DGUOK: variants seen among roughly 807,000 people sequenced by gnomAD.
DGUOK encodes the protein deoxyguanosine kinase.
DGUOK carries 30 observed loss-of-function variants against 36.6 expected under a neutral mutation model. That is an observed-to-expected ratio of 0.82 (90% CI 0.61 to 1.11). DGUOK has a LOEUF of 1.11. Among genes scored for constraint, DGUOK ranks in the 50% most tolerant of loss-of-function variants. DGUOK has a pLI of 0.00. For missense variants in DGUOK, 361 were observed against 336.4 expected (o/e 1.07, Z -0.57); for synonymous variants, 145 against 126.3 (o/e 1.15, Z -0.99).
chr2:73,932,990 A>AAAT (rs1360829335), intron 1 of DGUOK, among the ~76,000 whole-genome samples: 9 of 152,182 alleles, frequency 5.9e-5, no homozygotes, highest in African/African-American at 2.2e-4. Flanking sequence ...AGATTGCTGT[A>AAAT]TGAAATCTCA....
At chr2:73,933,931 T>C (rs1035261005) in intron 1 of DGUOK, among the ~76,000 whole-genome samples, 5 of 152,218 alleles carry the variant, frequency 3.3e-5, no homozygotes, top group Non-Finnish European at 7.3e-5. Flanking sequence ...GGAAGGACTT[T>C]TTAAAAAAGA....
chr2:73,939,704 GA>G (rs955123542), intron 2 of DGUOK, among the ~76,000 whole-genome samples: 25 of 152,178 alleles, frequency 1.6e-4, no homozygotes, highest in Admixed American at 1.6e-3. Flanking sequence ...CGCCACCTGG[GA>G]TATTCACTGA....
intron 2 of DGUOK, among the ~76,000 whole-genome samples, chr2:73,945,119 T>TG (rs1682200185): frequency 6.6e-6 from 1 of 152,230 alleles, no homozygotes; most frequent in Non-Finnish European, 1.5e-5. Context: ...CTTCTTACTG[T>TG]TGTTGAATCT....
At chr2:73,937,110 A>G (rs1681526507) in intron 1 of DGUOK, among the ~76,000 whole-genome samples, 1 of 152,238 alleles carries the variant, frequency 6.6e-6, no homozygotes, top group Admixed American at 6.5e-5. Context: ...AGGCATACAC[A>G]GGGATCAGAT....
chr2:73,939,036 TGTG>T lies in DGUOK; in HGVS notation c.255+19_255+21del, dbSNP rs1157483531. On this transcript the variant is annotated intron_variant, in intron 2 of 6. Coordinates refer to ENST00000264093, the MANE Select transcript of DGUOK (RefSeq NM_080916.3). Reference sequence around the variant, plus strand: ...GGCACCCAAAAAGTAAGTTTTTAGTTGTGGTGGGTAGTTGGCAGGCATGGGTGA... The same window carrying T: ...GGCACCCAAAAAGTAAGTTTTTAGTTGTGGGTAGTTGGCAGGCATGGGTGA... The T allele has an allele frequency of 4.5e-6, 7 of 1,563,690 alleles. No individual in the cohort carries two copies. The Admixed American group carries it at 5.0e-5, about 11-fold the overall frequency.
chr2:73,950,824 T>C, intron 4 of DGUOK, 92 bp downstream of exon 4: 1 of 1,537,720 alleles, frequency 6.5e-7, no homozygotes, highest in Non-Finnish European at 9.0e-7. Context: ...TTGGAGAGAT[T>C]AGAGCGTAGA....
chr2:73,956,696 G>A (rs192883435), intron 4 of DGUOK, among the ~76,000 whole-genome samples: 167 of 152,334 alleles, frequency 1.1e-3, no homozygotes, highest in Non-Finnish European at 1.4e-3. Flanking sequence ...CTGCCTCCAG[G>A]AGGCAGAACC....
At chr2:73,936,973 G>A (rs2104897518) in intron 1 of DGUOK, among the ~76,000 whole-genome samples, 1 of 152,342 alleles carries the variant, frequency 6.6e-6, no homozygotes, top group Non-Finnish European at 1.5e-5. Flanking sequence ...AGTTGGTCAG[G>A]TGAGGAGAGG....
intron 3 of DGUOK, among the ~76,000 whole-genome samples, chr2:73,949,895 TG>T (rs1682588240): frequency 6.6e-6 from 1 of 152,218 alleles, no homozygotes; most frequent in Non-Finnish European, 1.5e-5. Context: ...GGGGCAAAGC[TG>T]GTTTGATTTT....
At chr2:73,930,777 ATTTTCTTTTTTT>A (rs1274000724) in intron 1 of DGUOK, among the ~76,000 whole-genome samples, 1,320 of 127,460 alleles carry the variant, frequency 0.01, 7 homozygotes, top group Non-Finnish European at 0.017. Context: ...ATTCGACATA[ATTTTCTTTTTTT>A]TTTTCTTTTT....
chr2:73,957,271 C>CA (rs1162075931), intron 5 of DGUOK, 31 bp downstream of exon 5: 3 of 1,555,894 alleles, frequency 1.9e-6, no homozygotes, highest in South Asian at 2.2e-5. Flanking sequence ...GTATCAGAGA[C>CA]AGAGACCTGG....
chr2:73,932,206 TGGAATGGGAGGACCTA>T (rs1397159003), intron 1 of DGUOK, among the ~76,000 whole-genome samples: 1 of 152,074 alleles, frequency 6.6e-6, no homozygotes, highest in Non-Finnish European at 1.5e-5. Context: ...TGATGCGAAG[TGGAATGGGAGGACCTA>T]ATCTGACTCT....
At chr2:73,942,311 C>A (rs994431907) in intron 2 of DGUOK, among the ~76,000 whole-genome samples, 1 of 152,234 alleles carries the variant, frequency 6.6e-6, no homozygotes. Flanking sequence ...TCATAGTTAG[C>A]ACCTTTGATG....
intron 1 of DGUOK, among the ~76,000 whole-genome samples, chr2:73,929,230 T>C (rs1218457457): frequency 6.6e-6 from 1 of 152,178 alleles, no homozygotes; most frequent in Non-Finnish European, 1.5e-5. Context: ...CACCTTAGCC[T>C]CTTGAGTAGC....
chr2:73,951,057 C>T (rs1682671056), intron 4 of DGUOK, among the ~76,000 whole-genome samples: 1 of 152,084 alleles, frequency 6.6e-6, no homozygotes, highest in Admixed American at 6.5e-5. Context: ...GCCTCAGCTC[C>T]TCCTTTACTC....
At position 73,938,894 on chromosome 2, in the gene DGUOK, G is replaced by T; in HGVS notation, c.143-16G>T. ...TGATTTGGGAAGCATCCCAATACAT[G>T]CTATTTGCATTGCAGCTGTGGGAAA... On this transcript the variant is annotated splice_polypyrimidine_tract_variant and intron_variant, in intron 1 of 6. Transcript: ENST00000264093. The T allele has an allele frequency of 6.4e-7, 1 of 1,572,220 alleles. No homozygotes were observed. Among genetic ancestry groups the T allele is most frequent in the Non-Finnish European group, 8.8e-7 (1 of 1,141,960 alleles).
At position 73,958,149 on chromosome 2, in the gene DGUOK, C is replaced by T. The variant is rs1400940907; in HGVS notation, c.711C>T (p.Leu237=). 6.2e-7 allele frequency: 1 copy of T among 1,613,336 alleles called. No individual in the cohort carries two copies. ...EAWLIHKTTK[L]HFEALMNIPV... ...CAAACGTTCACGCTTCTTATAGGCTCCACTTTGAGGCTCTGATGAACATTC... is the reference window on the plus strand; with the variant it reads ...CAAACGTTCACGCTTCTTATAGGCTTCACTTTGAGGCTCTGATGAACATTC... The change falls in exon 6 of 7, where the codon CTC becomes CTT. Residue 237 remains leucine, a synonymous_variant. Transcript: ENST00000264093.
chr2:73,947,441 C>T (rs917136992), intron 3 of DGUOK, among the ~76,000 whole-genome samples: 1 of 152,044 alleles, frequency 6.6e-6, no homozygotes, highest in Admixed American at 6.6e-5. Flanking sequence ...AGATTTAGCC[C>T]TTTTTGACCC....
intron 1 of DGUOK, among the ~76,000 whole-genome samples, chr2:73,932,988 G>A (rs1302272700): frequency 6.6e-6 from 1 of 152,058 alleles, no homozygotes; most frequent in East Asian, 1.9e-4. Flanking sequence ...AAAGATTGCT[G>A]TATGAAATCT....
Sources: gnomAD v4.1 joint callset for allele counts (sites outside exome capture counted in the v4.1 genomes callset) on GRCh38, gnomAD v4.1.1 for gene constraint, MANE v1.5 for transcripts, NCBI Gene and HGNC (gene_info 2026-07-23, HGNC 2026-07-21) for gene names.